RAD54L2: variants seen among roughly 807,000 people sequenced by gnomAD.
The protein encoded by RAD54L2 is RAD54 like 2, also known as helicase ARIP4.
Under a neutral mutation model 138.4 loss-of-function variants are expected in RAD54L2, and 27 were observed. The ratio of observed to expected loss-of-function variants is 0.20; its 90% CI spans 0.14 to 0.27. RAD54L2 has a LOEUF of 0.27. Ranked by LOEUF, RAD54L2 falls within the 10% of genes least tolerant of loss-of-function variation. The pLI is 1.00. For missense variants in RAD54L2, 1,396 were observed against 1,890.2 expected, an observed-to-expected ratio of 0.74 and a Z score of 4.85; for synonymous variants, 644 against 723.2, an observed-to-expected ratio of 0.89 and a Z score of 1.76.
intron 3 of RAD54L2, among the ~76,000 whole-genome samples, chr3:51,609,609 G>A (rs1700283726): frequency 6.6e-6 from 1 of 151,998 alleles, no homozygotes; most frequent in East Asian, 1.9e-4. Flanking sequence ...TCCCAGCATG[G>A]TGTCTGCTGT....
chr3:51,571,296 TGACCATAAGG>T (rs1442050123), intron 2 of RAD54L2, among the ~76,000 whole-genome samples: 1 of 152,096 alleles, frequency 6.6e-6, no homozygotes, highest in East Asian at 1.9e-4. Context: ...CAATATTTCC[TGACCATAAGG>T]TCCTTGTATG....
In RAD54L2 at chr3:51,665,464, C is replaced by T. The variant is rs948952209; in HGVS notation, c.*2044C>T. The stretch of plus-strand genomic sequence containing the variant: ...TGTATATGTGTGTTTGTCTGCTGTC[C>T]AATAACACCAAAAGTGGAACTTAAG... On this transcript the variant is annotated 3_prime_UTR_variant, in exon 23 of 23. Transcript: ENST00000684192. The T allele has an allele frequency of 2.6e-5, 4 of 152,168 alleles. No individual in the cohort carries two copies. Among genetic ancestry groups the T allele is most frequent in the Non-Finnish European group, 5.9e-5 (4 of 68,040 alleles). 9.4% of individuals were successfully genotyped at this position (152,168 alleles called of 1,614,324 possible).
At chr3:51,575,923 G>C (rs1215990416) in intron 2 of RAD54L2, among the ~76,000 whole-genome samples, 1 of 152,148 alleles carries the variant, frequency 6.6e-6, no homozygotes, top group African/African-American at 2.4e-5. Flanking sequence ...CCTGTCTTGT[G>C]CCAGTTTTCA....
Position 51,639,412 on chromosome 3 carries a change from A to G in RAD54L2, c.1861-7A>G, listed in dbSNP as rs762523340. 1 of 1,612,954 alleles carries G rather than the reference A, an allele frequency of 6.2e-7. No individual in the cohort carries two copies. Among genetic ancestry groups the G allele is most frequent in the Admixed American group, 1.7e-5 (1 of 59,960 alleles). On this transcript the variant is annotated splice_polypyrimidine_tract_variant and splice_region_variant and intron_variant, in intron 12 of 22. Transcript: ENST00000684192. ...CTGTGTCTCCTCTCCCTTTCCTTGAACCTCAGATCTGGAATCACCCTGATG... is the reference window on the plus strand; with the variant it reads ...CTGTGTCTCCTCTCCCTTTCCTTGAGCCTCAGATCTGGAATCACCCTGATG...
At chr3:51,626,559 C>T (rs1700694274) in intron 3 of RAD54L2, among the ~76,000 whole-genome samples, 1 of 146,016 alleles carries the variant, frequency 6.8e-6, no homozygotes, top group Non-Finnish European at 1.5e-5. Flanking sequence ...ATGCTCCTGC[C>T]TTAGCCTCCC....
In RAD54L2 at chr3:51,645,732, C is replaced by T; in HGVS notation, c.2798C>T (p.Ala933Val). 2 of 1,612,672 alleles carry T rather than the reference C, an allele frequency of 1.2e-6. No homozygotes were observed. Among genetic ancestry groups the T allele is most frequent in the South Asian group, 1.1e-5 (1 of 90,672 alleles). The change falls in exon 18 of 23, where the codon GCC becomes GTC. Residue 933 changes from alanine (A) to valine (V), a missense_variant. Coordinates refer to ENST00000684192, the MANE Select transcript of RAD54L2 (RefSeq NM_015106.4). This position sits in a 1 kb window ranked among gnomAD's most constrained non-coding sequence, Gnocchi z 6.1. ...KGIKESVLQL[A>V]CLKYPHLITK... The stretch of plus-strand genomic sequence containing the variant: ...ATCAAGGAGTCAGTCCTGCAACTGG[C>T]CTGTCTGAAGTACCCTCACCTCATC...
chr3:51,542,030 T>G (rs1698566617), intron 2 of RAD54L2, among the ~76,000 whole-genome samples: 1 of 152,220 alleles, frequency 6.6e-6, no homozygotes, highest in South Asian at 2.1e-4. Flanking sequence ...GCTTAGAGTT[T>G]TCTATTTCTT....
intron 4 of RAD54L2, 26 bp downstream of exon 4, chr3:51,627,780 G>C: frequency 6.2e-7 from 1 of 1,610,504 alleles, no homozygotes; most frequent in Non-Finnish European, 8.5e-7. Flanking sequence ...TGTAAGAGGA[G>C]AGGGAAAGGA....
chr3:51,631,436 T>G (rs1397812474), intron 7 of RAD54L2, among the ~76,000 whole-genome samples: 1 of 151,626 alleles, frequency 6.6e-6, no homozygotes, highest in African/African-American at 2.4e-5. Flanking sequence ...TTTTTTTTTT[T>G]TTCTCCTGAG....
At chr3:51,587,026 G>A (rs189644589) in intron 2 of RAD54L2, among the ~76,000 whole-genome samples, 1 of 152,052 alleles carries the variant, frequency 6.6e-6, no homozygotes, top group Admixed American at 6.6e-5. Flanking sequence ...TTTCAAAGTT[G>A]TTGATATCTA....
At chr3:51,616,475 A>G (rs2106770050) in intron 3 of RAD54L2, among the ~76,000 whole-genome samples, 1 of 152,306 alleles carries the variant, frequency 6.6e-6, no homozygotes, top group East Asian at 1.9e-4. Flanking sequence ...AAACTCACAT[A>G]TTTCACATGT....
intron 19 of RAD54L2, among the ~76,000 whole-genome samples, chr3:51,652,895 A>G (rs1701481042): frequency 6.6e-6 from 1 of 152,256 alleles, no homozygotes. Context: ...TAAAACACCA[A>G]AAGTAATGGC....
rs1041297985 is a variant in RAD54L2, at chr3:51,567,269, T to C, written c.-54-23098T>C. ...AATCATTTAAAAAGGACAGTTATTA[T>C]AATTTTATCCACATTTCTACATGTT... On this transcript the variant is annotated intron_variant, in intron 2 of 22. Transcript: ENST00000684192. Among the ~76,000 whole-genome samples, 3 of 152,328 alleles carry C rather than the reference T, an allele frequency of 2.0e-5. No homozygotes were observed. In the South Asian group the frequency reaches 6.2e-4, roughly 32 times the overall value.
At chr3:51,630,443 C>T (rs867602509) in intron 6 of RAD54L2, 55 bp downstream of exon 6, 12 of 1,503,756 alleles carry the variant, frequency 8.0e-6, no homozygotes, top group South Asian at 1.1e-5. Context: ...ATGCTGAGAT[C>T]GGCTATACTT....
rs536232623 is a variant in RAD54L2 at position 51,659,306 on chromosome 3, C to T, written c.3317-720C>T. Among the ~76,000 whole-genome samples the T allele has an allele frequency of 4.6e-5, 7 of 151,968 alleles. No homozygotes were observed. The South Asian group carries it at 6.2e-4, about 14-fold the overall frequency. On this transcript the variant is annotated intron_variant, in intron 21 of 22. Transcript: ENST00000684192. ...ATTTTTAGTAGAGATGGGGTTTCAC[C>T]GTGTTAGCCAGGATGGTCTCAATCT...
At chr3:51,594,862 T>TTC (rs2106720545) in intron 3 of RAD54L2, among the ~76,000 whole-genome samples, 1 of 106,038 alleles carries the variant, frequency 9.4e-6, no homozygotes, top group South Asian at 3.8e-4. Flanking sequence ...GATGGGCGCT[T>TTC]TTTTTTTTTT....
chr3:51,605,587 G>A (rs1266001459), intron 3 of RAD54L2, among the ~76,000 whole-genome samples: 2 of 150,548 alleles, frequency 1.3e-5, no homozygotes, highest in East Asian at 3.9e-4. Flanking sequence ...TTACTAGCTG[G>A]GATTACAGGT....
At chr3:51,620,572 C>A (rs1700548796) in intron 3 of RAD54L2, among the ~76,000 whole-genome samples, 1 of 151,834 alleles carries the variant, frequency 6.6e-6, no homozygotes, top group Non-Finnish European at 1.5e-5. Context: ...GTGTTTGTAC[C>A]TTGTACCTTC....
chr3:51,600,732 C>T (rs1394890114), intron 3 of RAD54L2, among the ~76,000 whole-genome samples: 1 of 152,088 alleles, frequency 6.6e-6, no homozygotes, highest in African/African-American at 2.4e-5. Flanking sequence ...TTTGGGAGGC[C>T]AAGGCGCATA....
Sources: gnomAD v4.1 joint callset for allele counts (sites outside exome capture counted in the v4.1 genomes callset) on GRCh38, gnomAD v4.1.1 for gene constraint, Gnocchi (gnomAD v3.1) non-coding constraint, MANE v1.5 for transcripts, NCBI Gene and HGNC (gene_info 2026-07-23, HGNC 2026-07-21) for gene names.